SERPINA1: variants seen among roughly 807,000 people sequenced by gnomAD.
The protein encoded by SERPINA1 is alpha-1-antitrypsin.
SERPINA1 carries 21 observed loss-of-function variants against 25.4 expected under a neutral mutation model. The observed-to-expected ratio is 0.83, with a 90% CI of 0.59 to 1.19. The LOEUF is 1.19. Ranked by LOEUF, SERPINA1 falls within the 50% of genes most tolerant of loss-of-function variation. The probability of loss-of-function intolerance (pLI) is 0.00; values close to 1 mark genes in which losing one functional copy is unlikely to be tolerated. For synonymous variants in SERPINA1, 218 were observed against 211.1 expected, an observed-to-expected ratio of 1.03 and a Z score of -0.29; for missense variants, 546 against 509.0, an observed-to-expected ratio of 1.07 and a Z score of -0.70.
At position 94,378,611 on chromosome 14, in the gene SERPINA1, G is replaced by A. The variant is rs201774333; in HGVS notation, c.1095C>T (p.Asp365=). The A allele has an allele frequency of 2.0e-5, 32 of 1,613,914 alleles. No homozygotes were observed. The highest frequency in any genetic ancestry group is 1.3e-4 in the East Asian group (6 of 44,892). ...CCCCAGCAGCTTCAGTCCCTTTCTC[G>A]TCGATGGTCAGCACAGCCTTATGCA... The part of the protein sequence containing the change: ...KAVHKAVLTI[D]EKGTEAAGAM... The change falls in exon 5 of 5, where the codon GAC becomes GAT. Residue 365 remains aspartate, a synonymous_variant. Coordinates refer to ENST00000393087, the MANE Select transcript of SERPINA1 (RefSeq NM_000295.5).
At chr14:94,380,201 T>C (rs952286391) in intron 3 of SERPINA1, among the ~76,000 whole-genome samples, 4 of 152,288 alleles carry the variant, frequency 2.6e-5, no homozygotes, top group African/African-American at 9.6e-5. Flanking sequence ...CCTCGATTCC[T>C]ATTATGAACC....
In SERPINA1 at chr14:94,380,944, C is replaced by T. The variant is rs370923940; in HGVS notation, c.844G>A (p.Gly282Arg). 3.0e-5 allele frequency: 48 copies of T among 1,614,062 alleles called. No homozygotes were observed. Among genetic ancestry groups the T allele is most frequent in the African/African-American group, 1.1e-4 (8 of 74,920 alleles). Reference protein sequence around the residue: ...ATAIFFLPDEGKLQHLENELT... With the variant: ...ATAIFFLPDERKLQHLENELT... ...TCATTTTCCAGGTGCTGTAGTTTCC[C>T]CTCATCAGGCAGGAAGAAGATGGCG... The change falls in exon 3 of 5, where the codon GGG becomes AGG. Residue 282 changes from glycine to arginine, a missense_variant. By Grantham distance (125) the Gly-to-Arg change is moderately radical. Transcript: ENST00000393087.
intron 4 of SERPINA1, chr14:94,379,061 T>C (rs1289424008): frequency 1.8e-6 from 1 of 543,222 alleles, no homozygotes; most frequent in African/African-American, 1.9e-5. Context: ...TTTTCCAAAA[T>C]AAGTGTCATC....
intron 1 of SERPINA1, among the ~76,000 whole-genome samples, chr14:94,387,615 G>A (rs568503339): frequency 6.6e-6 from 1 of 152,284 alleles, no homozygotes; most frequent in South Asian, 2.1e-4. Flanking sequence ...CATCAGAGAG[G>A]CCTCAAGTCC....
chr14:94,388,807 G>A (rs918043437), upstream of SERPINA1: 1 of 152,312 alleles, frequency 6.6e-6, no homozygotes, highest in Non-Finnish European at 1.5e-5. Flanking sequence ...TTACCGAAAG[G>A]AGTCATTGTA....
upstream of SERPINA1, among the ~76,000 whole-genome samples, chr14:94,390,177 C>A (rs1897600805): frequency 6.6e-6 from 1 of 152,046 alleles, no homozygotes; most frequent in Admixed American, 6.5e-5. Context: ...AGCTCAGACT[C>A]CCCTCCCCTT....
chr14:94,380,849 C>T (rs2139681402), intron 3 of SERPINA1, 22 bp downstream of exon 3: 1 of 1,614,186 alleles, frequency 6.2e-7, no homozygotes, highest in Non-Finnish European at 8.5e-7. Context: ...GCTTCTTGGT[C>T]ACCCTCAGGT....
intron 1 of SERPINA1, among the ~76,000 whole-genome samples, chr14:94,385,561 T>C (rs1255946556): frequency 6.6e-6 from 1 of 152,222 alleles, no homozygotes; most frequent in Non-Finnish European, 1.5e-5. Context: ...ACTCCTGACC[T>C]CTTGATCCGC....
Position 94,381,125 on chromosome 14 carries a change from G to T in SERPINA1, c.663C>A (p.Pro221=). ...YIFFKGKWER[P]FEVKDTEEED... Reference sequence around the variant, plus strand: ...CTTCCTCGGTGTCCTTGACTTCAAAGGGTCTCTCCCATTTGCCTGGAGAGA... The same window carrying T: ...CTTCCTCGGTGTCCTTGACTTCAAATGGTCTCTCCCATTTGCCTGGAGAGA... The change falls in exon 3 of 5, where the codon CCC becomes CCA. Residue 221 remains proline, a synonymous_variant. Coordinates refer to ENST00000393087, the MANE Select transcript of SERPINA1 (RefSeq NM_000295.5). 1 of 1,612,772 alleles carries T rather than the reference G, an allele frequency of 6.2e-7. No individual in the cohort carries two copies. Among genetic ancestry groups the T allele is most frequent in the Non-Finnish European group, 8.5e-7 (1 of 1,179,956 alleles).
chr14:94,385,511 T>C (rs1897231714), intron 1 of SERPINA1, among the ~76,000 whole-genome samples: 1 of 152,228 alleles, frequency 6.6e-6, no homozygotes, highest in African/African-American at 2.4e-5. Flanking sequence ...GTATTTTTAG[T>C]AGAGCTGAGG....
At chr14:94,385,934 C>T (rs1897260695) in intron 1 of SERPINA1, among the ~76,000 whole-genome samples, 1 of 152,196 alleles carries the variant, frequency 6.6e-6, no homozygotes, top group Non-Finnish European at 1.5e-5. Context: ...AAAGCTGGAA[C>T]AAGTCTTGGC....
At chr14:94,380,340 C>T (rs1168727377) in intron 3 of SERPINA1, among the ~76,000 whole-genome samples, 1 of 152,290 alleles carries the variant, frequency 6.6e-6, no homozygotes, top group Non-Finnish European at 1.5e-5. Flanking sequence ...TCACTTACTA[C>T]AGGACACCCA....
intron 1 of SERPINA1, among the ~76,000 whole-genome samples, chr14:94,387,847 C>T (rs763684574): frequency 1.6e-4 from 25 of 152,148 alleles, no homozygotes; most frequent in Non-Finnish European, 2.5e-4. Context: ...GGCTTAATCA[C>T]GCACTGAGCT....
intron 1 of SERPINA1, among the ~76,000 whole-genome samples, chr14:94,385,994 A>G (rs556706796): frequency 2.6e-5 from 4 of 152,204 alleles, no homozygotes; most frequent in Admixed American, 1.3e-4. Context: ...CTCAGATCTC[A>G]GATGATGAAT....
Position 94,379,453 on chromosome 14 carries a change from G to C in SERPINA1, c.1065+11C>G, listed in dbSNP as rs1489955124. The C allele has an allele frequency of 6.2e-7, 1 of 1,614,040 alleles. No homozygotes were observed. Among genetic ancestry groups the C allele is most frequent in the African/African-American group, 1.3e-5 (1 of 75,044 alleles). The stretch of plus-strand genomic sequence containing the variant: ...TACCAGGGTGCAACAAGGTCGTCAG[G>C]GTGATCTCACCTTGGAGAGCTTCAG... On this transcript the variant is annotated intron_variant, in intron 4 of 4. Coordinates refer to ENST00000393087, the MANE Select transcript of SERPINA1 (RefSeq NM_000295.5).
intron 1 of SERPINA1, among the ~76,000 whole-genome samples, chr14:94,385,618 C>A (rs909675292): frequency 6.6e-6 from 1 of 152,360 alleles, no homozygotes; most frequent in East Asian, 1.9e-4. Flanking sequence ...AGAGCCCCTG[C>A]ACCCAGCCAG....
chr14:94,382,716 G>A lies in SERPINA1; in HGVS notation c.522C>T (p.Thr174=), dbSNP rs72552402. 8.7e-4 allele frequency: 1,402 copies of A among 1,614,160 alleles called. 9 individuals are homozygous for A. The African/African-American group carries it at 0.017, about 19-fold the overall frequency. Residue 174 remains threonine (T), a synonymous_variant, in exon 2 of 5, where the codon ACC becomes ACT. Coordinates refer to ENST00000393087, the MANE Select transcript of SERPINA1 (RefSeq NM_000295.5). ...CGTTGATCTGTTTCTTGGCCTCTTCGGTGTCCCCGAAGTTGACAGTGAAGG... is the reference window on the plus strand; with the variant it reads ...CGTTGATCTGTTTCTTGGCCTCTTCAGTGTCCCCGAAGTTGACAGTGAAGG... The part of the protein sequence containing the change: ...SEAFTVNFGD[T]EEAKKQINDY...
upstream of SERPINA1, chr14:94,388,847 C>T (rs1283958510): frequency 6.6e-6 from 1 of 152,380 alleles, no homozygotes; most frequent in Non-Finnish European, 1.5e-5. Flanking sequence ...CGTCCTGTGT[C>T]CAAGGTGGAG....
chr14:94,386,321 C>T (rs1980616), intron 1 of SERPINA1, among the ~76,000 whole-genome samples: 29,166 of 152,104 alleles, frequency 0.19, 3,125 homozygotes, highest in South Asian at 0.29. Flanking sequence ...GGGAAGCGAG[C>T]CACTCCCTGC....
Sources: gnomAD v4.1 joint callset for allele counts (sites outside exome capture counted in the v4.1 genomes callset) on GRCh38, gnomAD v4.1.1 for gene constraint, MANE v1.5 for transcripts, NCBI Gene and HGNC (gene_info 2026-07-23, HGNC 2026-07-21) for gene names.